The following PCDHGA7 variants were observed in gnomAD, a reference collection of about 807,000 sequenced individuals.
The protein encoded by PCDHGA7 is protocadherin gamma-A7.
Under a neutral mutation model 58.3 loss-of-function variants are expected in PCDHGA7, and 44 were observed. The ratio of observed to expected loss-of-function variants is 0.75; its 90% CI spans 0.59 to 0.97. The LOEUF (loss-of-function observed/expected upper bound fraction) is 0.97, where lower values mean the gene tolerates loss of function less well. PCDHGA7 is among the 50% of genes least tolerant of loss of function. The pLI is 0.00. For missense variants in PCDHGA7, 1,266 were observed against 1,188.7 expected, an observed-to-expected ratio of 1.06 and a Z score of -0.96; for synonymous variants, 516 against 504.2, an observed-to-expected ratio of 1.02 and a Z score of -0.31.
Position 141,409,903 on chromosome 5 carries a change from G to C in PCDHGA7, c.2424+24580G>C, listed in dbSNP as rs570063514. 6.2e-6 allele frequency: 10 copies of C among 1,613,268 alleles called. No individual in the cohort carries two copies. The South Asian group carries it at 9.9e-5, about 16-fold the overall frequency. ...CACCGCGGGTGCTGTACCCAGCTCTGGGTCCTGACGGCTCCGCGTTCTTCG... is the reference window on the plus strand; with the variant it reads ...CACCGCGGGTGCTGTACCCAGCTCTCGGTCCTGACGGCTCCGCGTTCTTCG... On this transcript the variant is annotated intron_variant, in intron 1 of 3. Coordinates refer to ENST00000518325, the MANE Select transcript of PCDHGA7 (RefSeq NM_018920.4).
chr5:141,505,832 T>G (rs1006398435), intron 3 of PCDHGA7, among the ~76,000 whole-genome samples: 1 of 152,188 alleles, frequency 6.6e-6, no homozygotes, highest in African/African-American at 2.4e-5. Flanking sequence ...AAACCTCAGT[T>G]TCCTCAGCCT....
At chr5:141,408,675 C>T (rs574868088) in intron 1 of PCDHGA7, 14 of 1,613,950 alleles carry the variant, frequency 8.7e-6, no homozygotes, top group Admixed American at 8.3e-5. Flanking sequence ...GACCCTGCCA[C>T]GGATCCTGAT....
chr5:141,461,027 C>G (rs993151622), intron 1 of PCDHGA7, among the ~76,000 whole-genome samples: 2 of 150,168 alleles, frequency 1.3e-5, no homozygotes, highest in Non-Finnish European at 3.0e-5. Flanking sequence ...TTTTCTTTAT[C>G]CACTCATTAG....
chr5:141,398,660 T>C, intron 1 of PCDHGA7: 2 of 1,614,038 alleles, frequency 1.2e-6, no homozygotes, highest in Non-Finnish European at 1.7e-6. Context: ...AACCCAAGTT[T>C]CTCATTAATA....
At chr5:141,387,441 T>G (rs2150335837) in intron 1 of PCDHGA7, among the ~76,000 whole-genome samples, 1 of 152,370 alleles carries the variant, frequency 6.6e-6, no homozygotes, top group South Asian at 2.1e-4. Flanking sequence ...ATGTACTTAA[T>G]CTACATGATT....
intron 1 of PCDHGA7, chr5:141,415,740 G>GTTTTTTTTTTTTTTTTTTTTTTTTT: frequency 1.8e-5 from 11 of 617,990 alleles, no homozygotes; most frequent in Non-Finnish European, 2.4e-5. Context: ...GTTTATTAAG[G>GTTTTTTTTTTTTTTTTTTTTTTTTT]TTTTTTTTTT....
chr5:141,404,695 TGCAGAGCC>T, intron 1 of PCDHGA7: 1 of 1,614,122 alleles, frequency 6.2e-7, no homozygotes, highest in Non-Finnish European at 8.5e-7. Flanking sequence ...CACCCCGCTC[TGCAGAGCC>T]TGGCTACCTG....
chr5:141,444,915 T>C (rs1262912255), intron 1 of PCDHGA7, among the ~76,000 whole-genome samples: 1 of 152,174 alleles, frequency 6.6e-6, no homozygotes, highest in East Asian at 1.9e-4. Flanking sequence ...TCTATACCTT[T>C]ATCAGGGAAA....
At chr5:141,391,211 A>C (rs2092317474) in intron 1 of PCDHGA7, 1 of 152,220 alleles carries the variant, frequency 6.6e-6, no homozygotes, top group African/African-American at 2.4e-5. Flanking sequence ...AATACCAAGG[A>C]ACATTATATG....
At position 141,419,994 on chromosome 5, in the gene PCDHGA7, C is replaced by T. The variant is rs757658202; in HGVS notation, c.2424+34671C>T. 1.9e-6 allele frequency: 3 copies of T among 1,614,072 alleles called. No homozygotes were observed. Among genetic ancestry groups the T allele is most frequent in the East Asian group, 4.5e-5 (2 of 44,884 alleles). ...CTCCTCGCGGTGATTCTAGCTATTG[C>T]TCTACGCCTGCGACAGTCTTTCAGC... On this transcript the variant is annotated intron_variant, in intron 1 of 3. Coordinates refer to ENST00000518325, the MANE Select transcript of PCDHGA7 (RefSeq NM_018920.4).
intron 1 of PCDHGA7, chr5:141,417,903 A>G (rs2096184376): frequency 1.3e-6 from 2 of 1,590,930 alleles, no homozygotes; most frequent in Non-Finnish European, 8.6e-7. Flanking sequence ...GGCCCGCGGC[A>G]GGTACTATTT....
chr5:141,396,829 A>G (rs1216305888), intron 1 of PCDHGA7, among the ~76,000 whole-genome samples: 1 of 152,206 alleles, frequency 6.6e-6, no homozygotes, highest in African/African-American at 2.4e-5. Context: ...GTGCATATTC[A>G]GTGGAGTGGG....
Position 141,383,465 on chromosome 5 carries a change from C to A in PCDHGA7, c.566C>A (p.Thr189Asn), listed in dbSNP as rs199737560. Residue 189 changes from threonine (T) to asparagine (N), a missense_variant, in exon 1 of 4, where the codon ACT becomes AAT. Coordinates refer to ENST00000518325, the MANE Select transcript of PCDHGA7 (RefSeq NM_018920.4). ...GCTGTGCAAAGTGGAGACGATGAAA[C>A]TAAGTACCCGGAACTGGTGCTGGAG... is the stretch of plus-strand genomic sequence containing the variant. ...SLAVQSGDDE[T>N]KYPELVLERV... The A allele has an allele frequency of 5.0e-6, 8 of 1,613,792 alleles. No homozygotes were observed. Among genetic ancestry groups the A allele is most frequent in the Non-Finnish European group, 5.9e-6 (7 of 1,179,830 alleles).
Position 141,422,887 on chromosome 5 carries a change from C to G in PCDHGA7, c.2424+37564C>G, listed in dbSNP as rs2154549815. ...CAACGTGTCGCTGAGCCTGTTCGTG[C>G]TGGACCAGAACGACAATGCGCCCGA... On this transcript the variant is annotated intron_variant, in intron 1 of 3. Coordinates refer to ENST00000518325, the MANE Select transcript of PCDHGA7 (RefSeq NM_018920.4). The G allele has an allele frequency of 2.5e-6, 4 of 1,614,264 alleles. No homozygotes were observed. In the Middle Eastern group the frequency reaches 4.9e-4, roughly 200 times the overall value.
At position 141,421,975 on chromosome 5, in the gene PCDHGA7, G is replaced by A. The variant is rs1287891140; in HGVS notation, c.2424+36652G>A. 3.1e-6 allele frequency: 5 copies of A among 1,610,050 alleles called. No individual in the cohort carries two copies. The South Asian group carries it at 3.3e-5, about 11-fold the overall frequency. On this transcript the variant is annotated intron_variant, in intron 1 of 3. Coordinates refer to ENST00000518325, the MANE Select transcript of PCDHGA7 (RefSeq NM_018920.4). ...AATGTTTACACAGTCCGTATATCGC[G>A]TGAGTGTTCCAGAAAACATCAGCTC...
Position 141,476,104 on chromosome 5 carries a change from G to A in PCDHGA7, c.2425-18703G>A. 6.3e-7 allele frequency: 1 copy of A among 1,584,700 alleles called. No homozygotes were observed. Among genetic ancestry groups the A allele is most frequent in the Non-Finnish European group, 8.6e-7 (1 of 1,168,500 alleles). On this transcript the variant is annotated intron_variant, in intron 1 of 3. Coordinates refer to ENST00000518325, the MANE Select transcript of PCDHGA7 (RefSeq NM_018920.4). The surrounding 1 kb of genome is among the most constrained non-coding windows in gnomAD (Gnocchi z 7.6). ...GATCTGGACCCCGCTGAGAGGAACTGCTTTTGAGTGAGATGGTCCCAGAGG... is the reference window on the plus strand; with the variant it reads ...GATCTGGACCCCGCTGAGAGGAACTACTTTTGAGTGAGATGGTCCCAGAGG...
At chr5:141,466,510 AT>A (rs1222513096) in intron 1 of PCDHGA7, among the ~76,000 whole-genome samples, 1 of 151,938 alleles carries the variant, frequency 6.6e-6, no homozygotes, top group Non-Finnish European at 1.5e-5. Context: ...AGACAAGATC[AT>A]TTTTTTTCCT....
At chr5:141,466,754 C>T (rs1045917268) in intron 1 of PCDHGA7, among the ~76,000 whole-genome samples, 1 of 152,138 alleles carries the variant, frequency 6.6e-6, no homozygotes, top group African/African-American at 2.4e-5. Context: ...GATAGGGGCT[C>T]TTTTCAAACT....
In PCDHGA7 at chr5:141,490,261, G is replaced by T; in HGVS notation, c.2425-4546G>T. 6.2e-7 allele frequency: 1 copy of T among 1,614,218 alleles called. No individual in the cohort carries two copies. Among genetic ancestry groups the T allele is most frequent in the Non-Finnish European group, 8.5e-7 (1 of 1,180,038 alleles). ...CCACTGTGTGATTCAAGTGGATGTG[G>T]GGGATGTCAATGACAATGCCCCAGA... On this transcript the variant is annotated intron_variant, in intron 1 of 3. Coordinates refer to ENST00000518325, the MANE Select transcript of PCDHGA7 (RefSeq NM_018920.4). The surrounding 1 kb of genome is among the most constrained non-coding windows in gnomAD (Gnocchi z 5.4).
Sources: allele counts gnomAD v4.1 joint callset (sites outside exome capture counted in the v4.1 genomes callset), GRCh38; gene constraint gnomAD v4.1.1; non-coding constraint Gnocchi (gnomAD v3.1); transcripts MANE v1.5; gene names NCBI Gene and HGNC (gene_info 2026-07-23, HGNC 2026-07-21).